The following PCDHGB2 variants were observed in gnomAD, a reference collection of about 807,000 sequenced individuals.
The protein encoded by PCDHGB2 is protocadherin gamma subfamily B, 2, also known as protocadherin gamma-B2.
In PCDHGB2, 55 loss-of-function variants were observed where a neutral mutation model predicts 59.3. The observed-to-expected ratio is 0.93, with a 90% CI of 0.75 to 1.16. PCDHGB2 has a LOEUF of 1.16. Ranked by LOEUF, PCDHGB2 falls within the 50% of genes most tolerant of loss-of-function variation. PCDHGB2 has a pLI of 0.00. For synonymous variants in PCDHGB2, 516 were observed against 512.0 expected (o/e 1.01, Z -0.11); for missense variants, 1,228 against 1,198.5 (o/e 1.02, Z -0.36).
intron 1 of PCDHGB2, among the ~76,000 whole-genome samples, chr5:141,387,076 G>T (rs531327789): frequency 2.8e-4 from 42 of 152,310 alleles, no homozygotes; most frequent in African/African-American, 9.4e-4. Flanking sequence ...GTAGGCTACT[G>T]CCTGTGATCA....
At chr5:141,422,872 C>T (rs773469060) in intron 1 of PCDHGB2, 19 of 1,614,134 alleles carry the variant, frequency 1.2e-5, no homozygotes, top group African/African-American at 2.7e-5. Flanking sequence ...CAACGTGTCG[C>T]TGAGCCTGTT....
intron 1 of PCDHGB2, chr5:141,424,126 G>C: frequency 9.3e-6 from 5 of 538,222 alleles, no homozygotes; most frequent in Non-Finnish European, 1.2e-5. Flanking sequence ...TGATCCTGTT[G>C]ATTTAATAGC....
chr5:141,394,132 T>C, intron 1 of PCDHGB2: 1 of 1,613,980 alleles, frequency 6.2e-7, no homozygotes, highest in Non-Finnish European at 8.5e-7. Flanking sequence ...CAAATCGCTC[T>C]GCACGTGGCA....
In PCDHGB2 at chr5:141,503,604, A is replaced by G. The variant is rs189211439; in HGVS notation, c.2481-1789A>G. 5.2e-3 allele frequency among the ~76,000 whole-genome samples: 793 copies of G among 151,946 alleles called. 3 individuals carry two copies. The highest frequency in any genetic ancestry group is 8.3e-3 in the Non-Finnish European group (566 of 67,924). On this transcript the variant is annotated intron_variant, in intron 2 of 3. Coordinates refer to ENST00000522605, the MANE Select transcript of PCDHGB2 (RefSeq NM_018923.3). ...ACAGAGCGAGACTCCAGCTCAAAAA[A>G]AAAAAAAAAAGAAAAAAGAAAAGAA...
intron 1 of PCDHGB2, chr5:141,383,563 C>G (rs779788206): frequency 1.5e-5 from 25 of 1,613,034 alleles, no homozygotes; most frequent in East Asian, 2.2e-5. Flanking sequence ...CGACCCGCCC[C>G]GATCCAGCAC....
intron 1 of PCDHGB2, chr5:141,365,002 C>A: frequency 6.2e-7 from 1 of 1,613,918 alleles, no homozygotes; most frequent in African/African-American, 1.3e-5. Flanking sequence ...TACTCTCCGG[C>A]ACCACGCACA....
Position 141,476,176 on chromosome 5 carries a change from G to C in PCDHGB2, c.2422-18631G>C, listed in dbSNP as rs778169270. 1 of 1,613,530 alleles carries C rather than the reference G, an allele frequency of 6.2e-7. No homozygotes were observed. The highest frequency in any genetic ancestry group is 8.5e-7 in the Non-Finnish European group (1 of 1,180,006). On this transcript the variant is annotated intron_variant, in intron 1 of 3. Transcript: ENST00000522605. The surrounding 1 kb of genome is among the most constrained non-coding windows in gnomAD (Gnocchi z 7.6). ...GCACCGGGAGGGTAGTGGGAGTTTT[G>C]CTTCTGCTTGGTGCCTTGAACAAGG...
intron 1 of PCDHGB2, chr5:141,415,388 G>A (rs752789407): frequency 1.2e-6 from 2 of 1,614,236 alleles, no homozygotes; most frequent in Non-Finnish European, 1.7e-6. Context: ...GGCTTGACAG[G>A]TGTGTCCGGC....
intron 1 of PCDHGB2, among the ~76,000 whole-genome samples, chr5:141,439,139 G>T (rs2098090438): frequency 6.6e-6 from 1 of 150,672 alleles, no homozygotes; most frequent in South Asian, 2.1e-4. Flanking sequence ...GTTGCAGTGA[G>T]CTGAGATCAC....
chr5:141,383,615 C>G lies in PCDHGB2; in HGVS notation c.2421+21059C>G, dbSNP rs17097251. 9.9e-6 allele frequency: 16 copies of G among 1,613,694 alleles called. No homozygotes were observed. The Admixed American group carries it at 2.3e-4, about 24-fold the overall frequency. On this transcript the variant is annotated intron_variant, in intron 1 of 3. Coordinates refer to ENST00000522605, the MANE Select transcript of PCDHGB2 (RefSeq NM_018923.3). The stretch of plus-strand genomic sequence containing the variant: ...ACAGTGGTGGATGTGAATGACCACA[C>G]GCCTGTCTTCTCTCTGCCTCAGTAC...
chr5:141,365,603 A>C (rs1198770505), intron 1 of PCDHGB2: 2 of 1,613,602 alleles, frequency 1.2e-6, no homozygotes, highest in Non-Finnish European at 1.7e-6. Flanking sequence ...TTTAACCGTC[A>C]TGGACCATGG....
chr5:141,382,882 A>G, intron 1 of PCDHGB2: 1 of 1,528,134 alleles, frequency 6.5e-7, no homozygotes, highest in Non-Finnish European at 8.8e-7. Context: ...GCGCCTAAGC[A>G]AGAGAAGCAG....
At chr5:141,437,939 T>C (rs1055613655) in intron 1 of PCDHGB2, among the ~76,000 whole-genome samples, 3 of 152,152 alleles carry the variant, frequency 2.0e-5, no homozygotes, top group African/African-American at 7.2e-5. Flanking sequence ...GGTTTCACCA[T>C]ATTGGCCAGA....
At chr5:141,478,174 GA>G (rs1156842877) in intron 1 of PCDHGB2, 1 of 1,613,574 alleles carries the variant, frequency 6.2e-7, no homozygotes, top group East Asian at 2.2e-5. Context: ...CCCGGGAGCA[GA>G]AAAAAAATCT....
intron 1 of PCDHGB2, chr5:141,398,164 AG>A (rs970849138): frequency 6.8e-7 from 1 of 1,481,390 alleles, no homozygotes; most frequent in African/African-American, 1.4e-5. Context: ...CCGGGCTGAG[AG>A]GCTGCCAGTG....
At chr5:141,421,296 G>C in intron 1 of PCDHGB2, 1 of 1,613,444 alleles carries the variant, frequency 6.2e-7, no homozygotes, top group Non-Finnish European at 8.5e-7. Context: ...TCCTGGGGAC[G>C]CTGCGGGGGT....
intron 1 of PCDHGB2, chr5:141,389,414 G>A (rs2091750366): frequency 6.2e-7 from 1 of 1,613,464 alleles, no homozygotes; most frequent in Non-Finnish European, 8.5e-7. Context: ...CGGAGAGCGG[G>A]GTGGTGTTCG....
Position 141,489,400 on chromosome 5 carries a change from T to A in PCDHGB2, c.2422-5407T>A. 6.2e-7 allele frequency: 1 copy of A among 1,614,134 alleles called. No individual in the cohort carries two copies. Among genetic ancestry groups the A allele is most frequent in the Non-Finnish European group, 8.5e-7 (1 of 1,180,020 alleles). On this transcript the variant is annotated intron_variant, in intron 1 of 3. Transcript: ENST00000522605. This position sits in a 1 kb window ranked among gnomAD's most constrained non-coding sequence, Gnocchi z 4.5. ...GGGGAATGTTGCTCAGGATCTGGGC[T>A]TAAAGATGACAGATCTGTTGAGCCG...
chr5:141,471,006 T>A (rs560578929), intron 1 of PCDHGB2, among the ~76,000 whole-genome samples: 57 of 150,804 alleles, frequency 3.8e-4, no homozygotes, highest in African/African-American at 1.3e-3. Context: ...CATGAGCCAC[T>A]GTGCCTGGTC....
Sources: gnomAD v4.1 joint callset for allele counts (sites outside exome capture counted in the v4.1 genomes callset) on GRCh38, gnomAD v4.1.1 for gene constraint, Gnocchi (gnomAD v3.1) non-coding constraint, MANE v1.5 for transcripts, NCBI Gene and HGNC (gene_info 2026-07-23, HGNC 2026-07-21) for gene names.